PEAK1: variants seen among roughly 807,000 people sequenced by gnomAD.
PEAK1 encodes the protein inactive tyrosine-protein kinase PEAK1.
In PEAK1, 54 loss-of-function variants were observed where a neutral mutation model predicts 124.7. That is an observed-to-expected ratio of 0.43 (90% CI 0.35 to 0.54). The LOEUF is 0.54. PEAK1 is among the 20% of genes least tolerant of loss of function. The pLI is 0.01. For missense variants in PEAK1, 2,046 were observed against 2,134.5 expected (o/e 0.96, Z 0.82); for synonymous variants, 719 against 760.0 (o/e 0.95, Z 0.89).
At chr15:77,136,899 C>T (rs371769222) in intron 8 of PEAK1, among the ~76,000 whole-genome samples, 2 of 152,304 alleles carry the variant, frequency 1.3e-5, no homozygotes, top group East Asian at 1.9e-4. Context: ...ATCAGAGGCC[C>T]GAAGGCCTAG....
chr15:77,221,104 T>C (rs1258741002), intron 6 of PEAK1, among the ~76,000 whole-genome samples: 1 of 152,138 alleles, frequency 6.6e-6, no homozygotes. Flanking sequence ...ACTAAAAAAC[T>C]GTAGCATATG....
chr15:77,333,642 T>C (rs1226856713), intron 2 of PEAK1: 2 of 971,372 alleles, frequency 2.1e-6, no homozygotes, highest in African/African-American at 1.8e-5. Context: ...TCTAGTTTTA[T>C]ATTCTTGTGA....
At chr15:77,203,019 A>G (rs2058444986) in intron 6 of PEAK1, among the ~76,000 whole-genome samples, 1 of 151,360 alleles carries the variant, frequency 6.6e-6, no homozygotes, top group African/African-American at 2.4e-5. Context: ...CCTGGGCGAC[A>G]GAGCCAGACC....
At chr15:77,239,546 T>C (rs1231762336) in intron 6 of PEAK1, among the ~76,000 whole-genome samples, 2 of 152,222 alleles carry the variant, frequency 1.3e-5, no homozygotes. Flanking sequence ...GTATCATGCA[T>C]GGCAAACAGC....
Position 77,283,922 on chromosome 15 carries a change from A to T in PEAK1, c.-314T>A. On this transcript the variant is annotated 5_prime_UTR_variant, in exon 5 of 10. Coordinates refer to ENST00000682557, the MANE Select transcript of PEAK1 (RefSeq NM_001385026.1). ...TATTTATATAGCTGTAGTCATTACT[A>T]CTTTCATATTAGAAAATGTTTGTTT... 1 of 982,032 alleles carries T rather than the reference A, an allele frequency of 1.0e-6. No homozygotes were observed. Among genetic ancestry groups the T allele is most frequent in the Non-Finnish European group, 1.2e-6 (1 of 826,838 alleles). The allele number at this position is 982,032 out of a possible 1,614,324, so 60.8% of individuals were successfully genotyped here. A position where few individuals can be genotyped will look rare whatever the true frequency, so the allele number is the denominator to read the frequency against.
intron 2 of PEAK1, among the ~76,000 whole-genome samples, chr15:77,326,723 T>A (rs1021412931): frequency 6.6e-6 from 1 of 152,134 alleles, no homozygotes; most frequent in Non-Finnish European, 1.5e-5. Context: ...TTGTCTCTCA[T>A]TTTCCACCAA....
At chr15:77,354,868 T>C (rs992994854) in intron 2 of PEAK1, among the ~76,000 whole-genome samples, 1 of 151,950 alleles carries the variant, frequency 6.6e-6, no homozygotes, top group Non-Finnish European at 1.5e-5. Context: ...TGAAACCCTG[T>C]CTCTACTAAA....
chr15:77,286,401 T>C (rs939027244), intron 3 of PEAK1, 22 bp downstream of exon 3: 1 of 1,146,176 alleles, frequency 8.7e-7, no homozygotes, highest in Non-Finnish European at 1.1e-6. Context: ...CATGTTACAT[T>C]ATGGAAAGAA....
At chr15:77,279,902 G>T (rs762952327) in intron 5 of PEAK1, among the ~76,000 whole-genome samples, 5 of 152,176 alleles carry the variant, frequency 3.3e-5, no homozygotes, top group African/African-American at 4.8e-5. Context: ...ATGAAGTACA[G>T]ATCAGTAATT....
chr15:77,415,488 T>C (rs771384062), intron 1 of PEAK1, among the ~76,000 whole-genome samples: 5 of 152,198 alleles, frequency 3.3e-5, no homozygotes, highest in Non-Finnish European at 5.9e-5. Context: ...CTTCAACTTC[T>C]GGGTTCAAGC....
At chr15:77,314,017 C>A (rs1241043562) in intron 2 of PEAK1, among the ~76,000 whole-genome samples, 2 of 152,050 alleles carry the variant, frequency 1.3e-5, no homozygotes, top group Non-Finnish European at 1.5e-5. Context: ...ACAGTATATA[C>A]CCTTGATATG....
At chr15:77,261,214 C>T (rs1489113956) in intron 5 of PEAK1, among the ~76,000 whole-genome samples, 2 of 152,162 alleles carry the variant, frequency 1.3e-5, no homozygotes, top group South Asian at 2.1e-4. Context: ...AATCAGAGCG[C>T]CTCTCCTCCT....
At chr15:77,380,837 T>C (rs1467308515) in intron 1 of PEAK1, among the ~76,000 whole-genome samples, 1 of 152,156 alleles carries the variant, frequency 6.6e-6, no homozygotes, top group Non-Finnish European at 1.5e-5. Flanking sequence ...CTCTCCCAAA[T>C]GGCAGAGTAA....
chr15:77,154,662 C>T (rs904535015), intron 8 of PEAK1, among the ~76,000 whole-genome samples: 4 of 152,130 alleles, frequency 2.6e-5, no homozygotes, highest in East Asian at 1.9e-4. Flanking sequence ...CCTTCAGGAG[C>T]TCTTTCAGGG....
intron 1 of PEAK1, chr15:77,419,092 C>A: frequency 4.1e-6 from 4 of 985,378 alleles, no homozygotes; most frequent in Non-Finnish European, 3.6e-6. Context: ...ATCACTACCC[C>A]CTCAACGTCA....
intron 9 of PEAK1, among the ~76,000 whole-genome samples, chr15:77,128,772 G>C (rs1187396682): frequency 6.6e-6 from 1 of 152,188 alleles, no homozygotes; most frequent in Admixed American, 6.5e-5. Context: ...CAACTGGAGA[G>C]CCTCAGGACA....
chr15:77,166,500 T>C (rs2056108291), intron 7 of PEAK1, among the ~76,000 whole-genome samples: 1 of 152,224 alleles, frequency 6.6e-6, no homozygotes, highest in African/African-American at 2.4e-5. Context: ...AAAGGCTGGA[T>C]GTTGGAATTA....
chr15:77,305,857 G>A (rs115952606), intron 2 of PEAK1, among the ~76,000 whole-genome samples: 4,522 of 152,092 alleles, frequency 0.03, 231 homozygotes, highest in African/African-American at 0.1. Context: ...TTTTATTTGT[G>A]TTATTTTTAT....
intron 5 of PEAK1, among the ~76,000 whole-genome samples, chr15:77,270,243 A>T (rs1044604570): frequency 1.1e-4 from 16 of 151,926 alleles, no homozygotes; most frequent in African/African-American, 3.6e-4. Context: ...CTCTCTCACC[A>T]CTCCTATTCA....
Sources: gnomAD v4.1 joint callset for allele counts (sites outside exome capture counted in the v4.1 genomes callset) on GRCh38, gnomAD v4.1.1 for gene constraint, MANE v1.5 for transcripts, NCBI Gene and HGNC (gene_info 2026-07-23, HGNC 2026-07-21) for gene names.